Variants in ZAP70 observed in about 807,000 individuals in gnomAD.
ZAP70 encodes the protein tyrosine-protein kinase ZAP-70.
Under a neutral mutation model 65.8 loss-of-function variants are expected in ZAP70, and 27 were observed. That is an observed-to-expected ratio of 0.41 (90% CI 0.30 to 0.57). The LOEUF (loss-of-function observed/expected upper bound fraction) is 0.57. Ranked by LOEUF, ZAP70 falls within the 20% of genes least tolerant of loss-of-function variation. The pLI, the probability that ZAP70 is intolerant of heterozygous loss-of-function variation, is 0.28. For synonymous variants in ZAP70, 363 were observed against 360.8 expected (o/e 1.01, Z -0.07); for missense variants, 696 against 870.5 (o/e 0.80, Z 2.52).
At position 97,735,323 on chromosome 2, in the gene ZAP70, G is replaced by C. The variant is rs1335015444; in HGVS notation, c.1156G>C (p.Glu386Gln). 6.2e-7 allele frequency: 1 copy of C among 1,614,044 alleles called. No homozygotes were observed. Among genetic ancestry groups the C allele is most frequent in the African/African-American group, 1.3e-5 (1 of 74,948 alleles). ...EKADTEEMMREAQIMHQLDNP... is the reference protein window; with the variant it reads ...EKADTEEMMRQAQIMHQLDNP... Reference sequence around the variant, plus strand: ...GGCAGACACGGAAGAGATGATGCGCGAGGCGCAGATCATGCACCAGCTGGA... The same window carrying C: ...GGCAGACACGGAAGAGATGATGCGCCAGGCGCAGATCATGCACCAGCTGGA... The change falls in exon 10 of 14, where the codon GAG becomes CAG. Residue 386 changes from glutamate to glutamine, a missense_variant. Glu to Gln is a conservative substitution (Grantham distance 29). Coordinates refer to ENST00000264972, the MANE Select transcript of ZAP70 (RefSeq NM_001079.4).
At chr2:97,725,030 A>C in intron 3 of ZAP70, 62 bp from the exon 4 acceptor site, 1 of 1,606,012 alleles carries the variant, frequency 6.2e-7, no homozygotes, top group East Asian at 2.2e-5. Flanking sequence ...GGCTCCCGGA[A>C]GGGGGTTCCT....
At chr2:97,724,608 A>G in intron 3 of ZAP70, 170 bp downstream of exon 3, 1 of 1,533,804 alleles carries the variant, frequency 6.5e-7, no homozygotes, top group East Asian at 2.5e-5. Flanking sequence ...GAGGCCTCAG[A>G]GGCAGGGGCT....
intron 13 of ZAP70, 190 bp downstream of exon 13, chr2:97,738,297 C>A: frequency 1.5e-6 from 1 of 648,894 alleles, no homozygotes; most frequent in Non-Finnish European, 2.7e-6. Flanking sequence ...CTGTCCTGCT[C>A]CAGTGTGCCA....
chr2:97,733,683 G>C, intron 8 of ZAP70, 88 bp downstream of exon 8: 1 of 1,551,396 alleles, frequency 6.4e-7, no homozygotes, highest in Non-Finnish European at 8.9e-7. Context: ...TTCACGGGGG[G>C]CGCTGTGGGC....
intron 2 of ZAP70, among the ~76,000 whole-genome samples, chr2:97,722,796 C>T (rs1677211733): frequency 4.6e-5 from 7 of 152,218 alleles, no homozygotes; most frequent in Admixed American, 2.0e-4. Context: ...TTTTATCCAT[C>T]CCTCTCGCTC....
Position 97,737,463 on chromosome 2 carries a change from G to GCCACCC in ZAP70, c.1290-8_1290-3dup. ...TCTCCCAGCTGACCCCGCCTTCCCC[G>GCCACCC]CCACCCCAGGGAGGAGATCCCTGTG... is the stretch of plus-strand genomic sequence containing the variant. On this transcript the variant is annotated splice_polypyrimidine_tract_variant and intron_variant, in intron 10 of 13. Coordinates refer to ENST00000264972, the MANE Select transcript of ZAP70 (RefSeq NM_001079.4). The surrounding 1 kb of genome is among the most constrained non-coding windows in gnomAD (Gnocchi z 5.0). The GCCACCC allele has an allele frequency of 6.2e-7, 1 of 1,613,938 alleles. No individual in the cohort carries two copies. Among genetic ancestry groups the GCCACCC allele is most frequent in the Middle Eastern group, 1.7e-4 (1 of 6,060 alleles).
chr2:97,752,041 A>G, the ZAP70 span, among the ~76,000 whole-genome samples: 2 of 152,256 alleles, frequency 1.3e-5, no homozygotes, highest in African/African-American at 4.8e-5. Context: ...CATTAGAAGT[A>G]AGTGGGGATT....
downstream of ZAP70, among the ~76,000 whole-genome samples, chr2:97,742,095 C>T (rs564031597): frequency 3.0e-4 from 46 of 152,150 alleles, 1 homozygote; most frequent in African/African-American, 6.5e-4. Context: ...GAGGTTTTGG[C>T]GGGGCTGGAA....
At chr2:97,735,157 CT>C in intron 9 of ZAP70, 92 bp from the exon 10 acceptor site, 1 of 1,513,942 alleles carries the variant, frequency 6.6e-7, no homozygotes, top group Middle Eastern at 1.8e-4. Context: ...TACCACACAA[CT>C]CAAGGGAGAA....
rs557625258 is a variant in ZAP70 at position 97,735,839 on chromosome 2, C to T, written c.1289+383C>T. On this transcript the variant is annotated intron_variant, in intron 10 of 13. Transcript: ENST00000264972. The stretch of plus-strand genomic sequence containing the variant: ...CCATCCTGGCCAACATGGTGAAACC[C>T]CGTCCTTACTAAAAATACAAAAGAT... 1.9e-3 allele frequency among the ~76,000 whole-genome samples: 291 copies of T among 152,238 alleles called. 11 individuals carry two copies. In the South Asian group the frequency reaches 0.059, roughly 31 times the overall value.
intron 2 of ZAP70, among the ~76,000 whole-genome samples, chr2:97,722,304 A>G (rs780159630): frequency 3.3e-5 from 5 of 149,568 alleles, no homozygotes; most frequent in Admixed American, 6.6e-5. Flanking sequence ...CTGGTCTCGA[A>G]CTGCTGGTCT....
chr2:97,729,409 C>A (rs1279273797), intron 4 of ZAP70, among the ~76,000 whole-genome samples: 1 of 152,146 alleles, frequency 6.6e-6, no homozygotes. Flanking sequence ...ACCAACTCTG[C>A]AATTTAGGCA....
At position 97,738,265 on chromosome 2, in the gene ZAP70, C is replaced by T. The variant is rs56370018; in HGVS notation, c.1736+158C>T. On this transcript the variant is annotated intron_variant, in intron 13 of 13. Coordinates refer to ENST00000264972, the MANE Select transcript of ZAP70 (RefSeq NM_001079.4). ...AGCTGCCCCCTACCCCCACACCCAG[C>T]TCTCCAACACACCAGGGTTTGCTGT... 1,826 of 725,180 alleles carry T rather than the reference C, an allele frequency of 2.5e-3. 10 individuals carry two copies. The highest frequency in any genetic ancestry group is 1.9e-3 in the Non-Finnish European group (807 of 420,664). 44.9% of individuals were successfully genotyped at this position (725,180 alleles called of 1,614,324 possible).
chr2:97,752,187 T>C, the ZAP70 span, among the ~76,000 whole-genome samples: 1 of 152,208 alleles, frequency 6.6e-6, no homozygotes, highest in African/African-American at 2.4e-5. Context: ...GGAGTCTACT[T>C]GGAGGGGTCT....
At chr2:97,714,507 G>C (rs1004448758) in intron 2 of ZAP70, among the ~76,000 whole-genome samples, 1 of 152,148 alleles carries the variant, frequency 6.6e-6, no homozygotes, top group Non-Finnish European at 1.5e-5. Context: ...GTGTGTTCTC[G>C]GCAAGTTGCT....
rs1677825067 is a variant in ZAP70 at position 97,735,344 on chromosome 2, C to T, written c.1177C>T (p.Leu393=). 6.2e-7 allele frequency: 1 copy of T among 1,614,176 alleles called. No individual in the cohort carries two copies. Among genetic ancestry groups the T allele is most frequent in the South Asian group, 1.1e-5 (1 of 91,092 alleles). Residue 393 remains leucine (L), a synonymous_variant, in exon 10 of 14, where the codon CTG becomes TTG. Transcript: ENST00000264972. ...GCGCGAGGCGCAGATCATGCACCAG[C>T]TGGACAACCCCTACATCGTGCGGCT... The part of the protein sequence containing the change: ...MMREAQIMHQ[L]DNPYIVRLIG...
Position 97,739,431 on chromosome 2 carries a change from A to G in ZAP70, c.1793A>G (p.Tyr598Cys), listed in dbSNP as rs1678052452. 6.2e-7 allele frequency: 1 copy of G among 1,613,694 alleles called. No individual in the cohort carries two copies. Among genetic ancestry groups the G allele is most frequent in the Non-Finnish European group, 8.5e-7 (1 of 1,179,964 alleles). Residue 598 changes from tyrosine (Y) to cysteine (C), a missense_variant, in exon 14 of 14, where the codon TAC (tyrosine) becomes TGC (cysteine). Tyr to Cys is a radical substitution (Grantham distance 194, BLOSUM62 -2). Coordinates refer to ENST00000264972, the MANE Select transcript of ZAP70 (RefSeq NM_001079.4). Reference sequence around the variant, plus strand: ...GAGCAGCGCATGCGAGCCTGTTACTACAGCCTGGCCAGCAAGGTGGAAGGG... The same window carrying G: ...GAGCAGCGCATGCGAGCCTGTTACTGCAGCCTGGCCAGCAAGGTGGAAGGG... Reference protein sequence around the residue: ...TVEQRMRACYYSLASKVEGPP... With the variant: ...TVEQRMRACYCSLASKVEGPP...
downstream of ZAP70, among the ~76,000 whole-genome samples, chr2:97,741,924 G>A (rs560776890): frequency 1.9e-3 from 289 of 152,376 alleles, 2 homozygotes; most frequent in Middle Eastern, 0.01. Flanking sequence ...AGAAGCTCCT[G>A]AGCCAGCTGA....
the ZAP70 span, among the ~76,000 whole-genome samples, chr2:97,747,445 G>A: frequency 6.6e-6 from 1 of 152,214 alleles, no homozygotes; most frequent in Non-Finnish European, 1.5e-5. Context: ...ACTTTACCGA[G>A]GTGACAGGAT....
Sources: gnomAD v4.1 joint callset for allele counts (sites outside exome capture counted in the v4.1 genomes callset) on GRCh38, gnomAD v4.1.1 for gene constraint, Gnocchi (gnomAD v3.1) non-coding constraint, MANE v1.5 for transcripts, NCBI Gene and HGNC (gene_info 2026-07-23, HGNC 2026-07-21) for gene names.